The following EDN1 variants were observed in gnomAD, a reference collection of about 807,000 sequenced individuals.
The protein encoded by EDN1 is endothelin-1.
A neutral mutation model predicts 21.7 loss-of-function variants in EDN1; 11 were observed. The observed-to-expected ratio is 0.51, with a 90% CI of 0.32 to 0.84. The LOEUF (loss-of-function observed/expected upper bound fraction) is 0.84. Among genes scored for constraint, EDN1 ranks in the 40% least tolerant of loss-of-function variants. The pLI is 0.03. For synonymous variants in EDN1, 85 were observed against 90.6 expected, an observed-to-expected ratio of 0.94 and a Z score of 0.35; for missense variants, 244 against 262.3, an observed-to-expected ratio of 0.93 and a Z score of 0.48.
chr6:12,283,167 G>A, the EDN1 span, among the ~76,000 whole-genome samples: 54 of 152,250 alleles, frequency 3.5e-4, no homozygotes, highest in Non-Finnish European at 3.2e-4. Flanking sequence ...ACAAATGCCC[G>A]TTTAAAAAGT....
At chr6:12,273,535 A>C in the EDN1 span, among the ~76,000 whole-genome samples, 1 of 151,582 alleles carries the variant, frequency 6.6e-6, no homozygotes, top group Non-Finnish European at 1.5e-5. Context: ...CAAATTCAGC[A>C]ATTTTTTTTT....
In EDN1 at chr6:12,290,463, C is replaced by G; in HGVS notation, c.-167C>G. ...CTGCAGACGCTCCGCTCGCTGCCTT[C>G]TCTCCTGGCAGGCGCTGCCTTTTCT... On this transcript the variant is annotated 5_prime_UTR_variant, in exon 1 of 5. Transcript: ENST00000379375. 1 of 646,622 alleles carries G rather than the reference C, an allele frequency of 1.5e-6. No individual in the cohort carries two copies. The highest frequency in any genetic ancestry group is 2.7e-6 in the Non-Finnish European group (1 of 365,256). The allele number at this position is 646,622 out of a possible 1,614,324, so 40.1% of individuals were successfully genotyped here.
chr6:12,294,206 A>C lies in EDN1; in HGVS notation c.390-55A>C. 2.1e-5 allele frequency: 34 copies of C among 1,613,610 alleles called. No homozygotes were observed. In the South Asian group the frequency reaches 3.2e-4, roughly 15 times the overall value. On this transcript the variant is annotated intron_variant, in intron 3 of 4. Coordinates refer to ENST00000379375, the MANE Select transcript of EDN1 (RefSeq NM_001955.5). ...GAGACTAACAGAGACATTGAAAGTC[A>C]GGGTAAAGCTGAATATAACATTGCT...
At chr6:12,273,437 T>G in the EDN1 span, among the ~76,000 whole-genome samples, 7 of 152,114 alleles carry the variant, frequency 4.6e-5, no homozygotes. Flanking sequence ...AATAAGGCAA[T>G]GAATGTATTT....
At chr6:12,292,102 G>A (rs1762695869) in intron 1 of EDN1, among the ~76,000 whole-genome samples, 1 of 152,182 alleles carries the variant, frequency 6.6e-6, no homozygotes, top group Admixed American at 6.5e-5. Context: ...TATCTCCTCT[G>A]CATTTGTGTA....
the EDN1 span, among the ~76,000 whole-genome samples, chr6:12,275,802 C>CGTGT: frequency 3.7e-4 from 55 of 147,236 alleles, no homozygotes; most frequent in East Asian, 1.4e-3. Context: ...TTGGGGGCAC[C>CGTGT]GTGTGTGTGT....
the EDN1 span, among the ~76,000 whole-genome samples, chr6:12,279,720 A>G: frequency 6.6e-6 from 1 of 152,254 alleles, no homozygotes; most frequent in African/African-American, 2.4e-5. Context: ...GAAAAAAACT[A>G]TCTGGTGAAA....
upstream of EDN1, among the ~76,000 whole-genome samples, chr6:12,289,071 C>A (rs751022764): frequency 6.6e-6 from 1 of 152,208 alleles, no homozygotes; most frequent in Non-Finnish European, 1.5e-5. Context: ...GTGTTCCATG[C>A]ACCTTTTGCT....
chr6:12,260,690 C>CG, the EDN1 span, among the ~76,000 whole-genome samples: 2 of 152,040 alleles, frequency 1.3e-5, no homozygotes, highest in Non-Finnish European at 2.9e-5. Context: ...TTTTGCCCCC[C>CG]TGTCCCTCTG....
At chr6:12,292,541 C>A in intron 2 of EDN1, 32 bp downstream of exon 2, 1 of 1,613,174 alleles carries the variant, frequency 6.2e-7, no homozygotes, top group South Asian at 1.1e-5. Context: ...TAACCCTAGT[C>A]ATTCATTAGC....
chr6:12,294,174 T>C (rs1197747215), intron 3 of EDN1, 78 bp downstream of exon 3: 4 of 1,613,150 alleles, frequency 2.5e-6, no homozygotes, highest in Non-Finnish European at 3.4e-6. Flanking sequence ...TGCCTTCCTG[T>C]TTTAGAGAGA....
the EDN1 span, among the ~76,000 whole-genome samples, chr6:12,231,962 A>G: frequency 6.6e-6 from 1 of 151,696 alleles, no homozygotes; most frequent in South Asian, 2.1e-4. Context: ...CAATAGACTT[A>G]AAACCATAAA....
At chr6:12,274,963 TTCCTTCCTTGC>T in the EDN1 span, among the ~76,000 whole-genome samples, 7 of 150,752 alleles carry the variant, frequency 4.6e-5, no homozygotes, top group African/African-American at 1.7e-4. Flanking sequence ...CCTTCCTTCC[TTCCTTCCTTGC>T]TCCTTCCTTC....
chr6:12,270,663 A>T, the EDN1 span, among the ~76,000 whole-genome samples: 22 of 151,990 alleles, frequency 1.4e-4, no homozygotes, highest in African/African-American at 4.6e-4. Context: ...TGATTTAAAA[A>T]TTTTTTTTGA....
the EDN1 span, among the ~76,000 whole-genome samples, chr6:12,275,004 C>T: frequency 9.3e-5 from 13 of 140,394 alleles, no homozygotes; most frequent in Middle Eastern, 3.4e-3. Context: ...CTCCCTCCCT[C>T]CCTTCCTTCC....
At chr6:12,258,448 T>TAAAGAAAAAAAAAA in the EDN1 span, among the ~76,000 whole-genome samples, 1 of 27,734 alleles carries the variant, frequency 3.6e-5, no homozygotes, top group African/African-American at 6.8e-5. Flanking sequence ...AGATCATGTC[T>TAAAGAAAAAAAAAA]CAAAAAAAAA....
upstream of EDN1, among the ~76,000 whole-genome samples, chr6:12,289,357 G>A (rs975746662): frequency 1.1e-4 from 16 of 151,992 alleles, no homozygotes; most frequent in African/African-American, 3.9e-4. Context: ...GCTTGTGCGG[G>A]GAATAAATAG....
the EDN1 span, among the ~76,000 whole-genome samples, chr6:12,275,596 AT>A: frequency 6.6e-6 from 1 of 152,126 alleles, no homozygotes; most frequent in African/African-American, 2.4e-5. Context: ...TATATTATAT[AT>A]ATTTTATAAA....
chr6:12,270,512 C>T, the EDN1 span, among the ~76,000 whole-genome samples: 1 of 151,986 alleles, frequency 6.6e-6, no homozygotes, highest in Non-Finnish European at 1.5e-5. Flanking sequence ...TTTTAAATTT[C>T]CTTTTTAATT....
Sources: gnomAD v4.1 joint callset for allele counts (sites outside exome capture counted in the v4.1 genomes callset) on GRCh38, gnomAD v4.1.1 for gene constraint, MANE v1.5 for transcripts, NCBI Gene and HGNC (gene_info 2026-07-23, HGNC 2026-07-21) for gene names.